The following HEPH variants were observed in gnomAD, a reference collection of about 807,000 sequenced individuals.
HEPH encodes hephaestin.
A neutral mutation model predicts 80.8 loss-of-function variants in HEPH; 69 were observed. The observed-to-expected ratio is 0.85, with a 90% confidence interval of 0.70 to 1.04. HEPH has a LOEUF of 1.04. Ranked by LOEUF, HEPH falls within the 50% of genes least tolerant of loss-of-function variation. The pLI is 0.00. For synonymous variants in HEPH, 431 were observed against 322.8 expected, an observed-to-expected ratio of 1.34 and a Z score of -3.60; for missense variants, 1,115 against 891.3, an observed-to-expected ratio of 1.25 and a Z score of -3.20.
chrX:66,226,457 A>G (rs1068535), intron 15 of HEPH, among the ~76,000 whole-genome samples: 30,581 of 111,406 alleles, frequency 0.27, 3,981 homozygotes, highest in African/African-American at 0.51. Flanking sequence ...TCAGAGCAGA[A>G]CTAAATACAA....
chrX:66,168,765 G>A (rs994051393), intron 1 of HEPH, among the ~76,000 whole-genome samples: 15 of 111,447 alleles, frequency 1.3e-4, no homozygotes, highest in East Asian at 5.6e-4. Flanking sequence ...AAGATTTAGC[G>A]AAATAATTTA....
At chrX:66,255,774 C>T in intron 16 of HEPH, among the ~76,000 whole-genome samples, 1 of 111,090 alleles carries the variant, frequency 9.0e-6, no homozygotes, top group East Asian at 2.8e-4. Flanking sequence ...ATTATGCCAT[C>T]AGATAAGGGA....
intron 11 of HEPH, among the ~76,000 whole-genome samples, chrX:66,200,050 G>C (rs2088341266): frequency 9.1e-6 from 1 of 109,885 alleles, no homozygotes; most frequent in African/African-American, 3.3e-5. Context: ...GGCAGTAGCA[G>C]TGAAGATGAA....
intron 12 of HEPH, among the ~76,000 whole-genome samples, chrX:66,203,014 G>A (rs770693064): frequency 9.5e-6 from 1 of 105,290 alleles, no homozygotes; most frequent in South Asian, 4.3e-4. Flanking sequence ...ATGAAAGATA[G>A]GGTTACCAAC....
chrX:66,232,706 C>T (rs1256691487), intron 15 of HEPH, among the ~76,000 whole-genome samples: 1 of 110,488 alleles, frequency 9.1e-6, no homozygotes, highest in East Asian at 2.8e-4. Flanking sequence ...TCCTATGTAT[C>T]AATGTACAAT....
chrX:66,218,168 C>T (rs1387379297), intron 15 of HEPH, among the ~76,000 whole-genome samples: 1 of 110,904 alleles, frequency 9.0e-6, no homozygotes, highest in East Asian at 2.8e-4. Context: ...TAAACTATAC[C>T]TAGAACAATT....
intron 15 of HEPH, among the ~76,000 whole-genome samples, chrX:66,250,991 C>G (rs1453949621): frequency 8.9e-6 from 1 of 112,047 alleles, no homozygotes; most frequent in Non-Finnish European, 1.9e-5. Flanking sequence ...TCAAATGACT[C>G]TCATACATCA....
At chrX:66,228,747 A>G (rs2089995994) in intron 15 of HEPH, among the ~76,000 whole-genome samples, 1 of 112,436 alleles carries the variant, frequency 8.9e-6, no homozygotes, top group African/African-American at 3.2e-5. Flanking sequence ...AAGAAGATAT[A>G]CAAATGGCCA....
intron 15 of HEPH, among the ~76,000 whole-genome samples, chrX:66,228,453 C>A (rs2089981704): frequency 8.9e-6 from 1 of 112,922 alleles, no homozygotes; most frequent in South Asian, 3.6e-4. Flanking sequence ...TGGAAAAATC[C>A]TTCTAGACAT....
chrX:66,208,152 T>G lies in HEPH; in HGVS notation c.2469T>G (p.Thr823=), dbSNP rs1569336965. The G allele has an allele frequency of 8.3e-7, 1 of 1,198,649 alleles. No individual in the cohort carries two copies. Among genetic ancestry groups the G allele is most frequent in the Non-Finnish European group, 1.1e-6 (1 of 886,234 alleles). The change falls in exon 15 of 21, where the codon ACT becomes ACG. Residue 823 remains threonine, a synonymous_variant. Transcript: ENST00000343002. ...LIKGEVGDIL[T]VVFKNNASRP... Reference sequence around the variant, plus strand: ...AAGGTGAAGTTGGTGATATCCTGACTGTGGTATTCAAGAATAATGCCAGCC... The same window carrying G: ...AAGGTGAAGTTGGTGATATCCTGACGGTGGTATTCAAGAATAATGCCAGCC...
chrX:66,176,179 A>C, intron 4 of HEPH, among the ~76,000 whole-genome samples: 1 of 111,677 alleles, frequency 9.0e-6, no homozygotes, highest in East Asian at 2.8e-4. Context: ...ATTACATTGG[A>C]GTATGTCCCT....
chrX:66,221,737 T>A (rs936309654), intron 15 of HEPH, among the ~76,000 whole-genome samples: 1 of 113,001 alleles, frequency 8.8e-6, no homozygotes, highest in African/African-American at 3.2e-5. Flanking sequence ...TTTTAACTCG[T>A]GAAAAGGTAA....
intron 15 of HEPH, among the ~76,000 whole-genome samples, chrX:66,219,873 G>A (rs996873272): frequency 1.8e-5 from 2 of 111,279 alleles, no homozygotes; most frequent in Admixed American, 1.9e-4. Context: ...TCCAGTCCCG[G>A]TGGGACTCTG....
chrX:66,174,957 C>G (rs1283897069), intron 4 of HEPH, among the ~76,000 whole-genome samples: 4 of 111,371 alleles, frequency 3.6e-5, no homozygotes, highest in African/African-American at 9.8e-5. Flanking sequence ...TTTTTTCCCA[C>G]TCTATGGGTT....
intron 15 of HEPH, among the ~76,000 whole-genome samples, chrX:66,219,801 C>G (rs185223238): frequency 9.0e-6 from 1 of 111,431 alleles, no homozygotes; most frequent in Admixed American, 9.5e-5. Flanking sequence ...TACCTGCCCA[C>G]TGGTCGGGTA....
At position 66,260,127 on chromosome X, in the gene HEPH, G is replaced by C; in HGVS notation, c.3064G>C (p.Val1022Leu). The change falls in exon 19 of 21, where the codon GTG (valine) becomes CTG (leucine). Residue 1022 changes from valine (V) to leucine (L), a missense_variant. Transcript: ENST00000343002. The part of the protein sequence containing the change: ...RNGENYRADV[V>L]DLFPGTFEVV... ...TGGCGAGAACTACCGGGCAGATGTG[G>C]TGGATCTGTTCCCAGGGACTTTTGA... 3 of 1,209,440 alleles carry C rather than the reference G, an allele frequency of 2.5e-6. No homozygotes were observed. The highest frequency in any genetic ancestry group is 3.4e-6 in the Non-Finnish European group (3 of 894,021).
chrX:66,163,143 A>G (rs1459041104), upstream of HEPH, among the ~76,000 whole-genome samples: 1 of 111,593 alleles, frequency 9.0e-6, no homozygotes, highest in African/African-American at 3.3e-5. Context: ...TAAGACCCTC[A>G]TTGTAGAAAT....
rs375126248 is a variant in HEPH, at chrX:66,266,723, A to G, written c.*51A>G. ...GGAAGCACATCTGTAGTGCACTCCCAGCAGGCCATGGACTAGTCACTAACC... is the reference window on the plus strand; with the variant it reads ...GGAAGCACATCTGTAGTGCACTCCCGGCAGGCCATGGACTAGTCACTAACC... On this transcript the variant is annotated 3_prime_UTR_variant, in exon 21 of 21. Coordinates refer to ENST00000343002, the MANE Select transcript of HEPH (RefSeq NM_001367233.3). 31 of 909,298 alleles carry G rather than the reference A, an allele frequency of 3.4e-5. No homozygotes were observed. The highest frequency in any genetic ancestry group is 4.4e-5 in the Non-Finnish European group (28 of 636,031). The allele number at this position is 909,298 out of a possible 1,213,427, so 74.9% of individuals were successfully genotyped here.
chrX:66,178,096 C>A (rs1227084678), intron 4 of HEPH, among the ~76,000 whole-genome samples: 1 of 110,787 alleles, frequency 9.0e-6, no homozygotes, highest in Non-Finnish European at 1.9e-5. Flanking sequence ...CCTCCCACAT[C>A]CCCCCACCCC....
Sources: gnomAD v4.1 joint callset for allele counts (sites outside exome capture counted in the v4.1 genomes callset) on GRCh38, gnomAD v4.1.1 for gene constraint, MANE v1.5 for transcripts, NCBI Gene and HGNC (gene_info 2026-07-23, HGNC 2026-07-21) for gene names.